FAM47E: variants seen among roughly 807,000 people sequenced by gnomAD.
FAM47E encodes the protein protein FAM47E.
In FAM47E, 32 loss-of-function variants were observed where a neutral mutation model predicts 41.6. The observed-to-expected ratio is 0.77, with a 90% CI of 0.58 to 1.03. FAM47E has a LOEUF of 1.03. Among genes scored for constraint, FAM47E ranks in the 50% least tolerant of loss-of-function variants. FAM47E has a pLI of 0.00. For synonymous variants in FAM47E, 184 were observed against 188.7 expected, an observed-to-expected ratio of 0.98 and a Z score of 0.20; for missense variants, 424 against 485.4, an observed-to-expected ratio of 0.87 and a Z score of 1.19.
At chr4:76,261,680 T>C (rs953044395) in intron 2 of FAM47E, among the ~76,000 whole-genome samples, 1 of 151,716 alleles carries the variant, frequency 6.6e-6, no homozygotes, top group African/African-American at 2.4e-5. Flanking sequence ...AAAAGGGGGG[T>C]TAGGAGGGTG....
intron 2 of FAM47E, among the ~76,000 whole-genome samples, chr4:76,242,051 T>G (rs1274360526): frequency 6.6e-6 from 1 of 152,214 alleles, no homozygotes; most frequent in Non-Finnish European, 1.5e-5. Context: ...GTGGCTTATA[T>G]GTGATTTCAA....
intron 2 of FAM47E, among the ~76,000 whole-genome samples, chr4:76,261,652 TAGAC>T (rs2110010706): frequency 6.6e-6 from 1 of 152,128 alleles, no homozygotes; most frequent in Admixed American, 6.5e-5. Context: ...ATGGAGATAA[TAGAC>T]ACTGGGGCCT....
chr4:76,273,214 A>G (rs116094378), intron 5 of FAM47E, among the ~76,000 whole-genome samples: 148 of 152,328 alleles, frequency 9.7e-4, no homozygotes, highest in African/African-American at 3.3e-3. Flanking sequence ...CCCTGGAGGA[A>G]TGGAACAAGG....
At chr4:76,261,310 A>G (rs1481905912) in intron 2 of FAM47E, among the ~76,000 whole-genome samples, 1 of 152,200 alleles carries the variant, frequency 6.6e-6, no homozygotes, top group Admixed American at 6.5e-5. Flanking sequence ...CAACCCAGCA[A>G]TTCCACTACT....
intron 1 of FAM47E, 122 bp from the exon 2 acceptor site, chr4:76,256,056 C>T: frequency 8.8e-7 from 1 of 1,129,984 alleles, no homozygotes; most frequent in Non-Finnish European, 1.2e-6. Context: ...ACTTCCCCTA[C>T]CCCCAACCCT....
At chr4:76,250,858 A>C (rs1231670351), upstream of FAM47E, among the ~76,000 whole-genome samples, 1 of 152,170 alleles carries the variant, frequency 6.6e-6, no homozygotes, top group African/African-American at 2.4e-5. Flanking sequence ...TACTTGCATA[A>C]TAATAATTCT....
At chr4:76,238,832 A>G (rs1733642163) in intron 2 of FAM47E, among the ~76,000 whole-genome samples, 1 of 152,194 alleles carries the variant, frequency 6.6e-6, no homozygotes, top group Admixed American at 6.5e-5. Flanking sequence ...GTACAATCAT[A>G]TTGTTGTGCT....
intron 5 of FAM47E, 35 bp from the exon 6 acceptor site, chr4:76,278,034 A>G: frequency 7.0e-7 from 1 of 1,426,906 alleles, no homozygotes; most frequent in Non-Finnish European, 9.2e-7. Context: ...CAAACAAAAA[A>G]TCAATGGCAC....
chr4:76,249,959 T>C (rs961559415), upstream of FAM47E, among the ~76,000 whole-genome samples: 1 of 152,158 alleles, frequency 6.6e-6, no homozygotes, highest in African/African-American at 2.4e-5. Context: ...CACTCATCGA[T>C]TGATGGGCAT....
intron 2 of FAM47E, among the ~76,000 whole-genome samples, chr4:76,261,393 A>G (rs1394174414): frequency 2.0e-5 from 3 of 152,190 alleles, no homozygotes; most frequent in Non-Finnish European, 4.4e-5. Context: ...TCACAACACT[A>G]TCACAATAGC....
At chr4:76,270,404 G>A (rs1384782393) in intron 4 of FAM47E, among the ~76,000 whole-genome samples, 1 of 152,200 alleles carries the variant, frequency 6.6e-6, no homozygotes, top group Non-Finnish European at 1.5e-5. Flanking sequence ...GCTAGGCCAT[G>A]ACACACACCT....
intron 7 of FAM47E, chr4:76,282,566 C>T (rs1735401877): frequency 6.6e-6 from 1 of 152,184 alleles, no homozygotes; most frequent in South Asian, 2.1e-4. Flanking sequence ...CTGGCATTGT[C>T]TTTACACAAT....
chr4:76,252,046 C>T (rs1560740124), intron 1 of FAM47E, among the ~76,000 whole-genome samples: 2 of 152,218 alleles, frequency 1.3e-5, no homozygotes, highest in Non-Finnish European at 2.9e-5. Flanking sequence ...GCCTCCCACG[C>T]CCCCAGGGAT....
intron 5 of FAM47E, among the ~76,000 whole-genome samples, chr4:76,276,208 C>G (rs1447592764): frequency 6.6e-6 from 1 of 152,114 alleles, no homozygotes; most frequent in East Asian, 1.9e-4. Flanking sequence ...GGAGATGTAG[C>G]TGGGAATAAT....
At chr4:76,257,861 T>G (rs554319185) in intron 2 of FAM47E, among the ~76,000 whole-genome samples, 1 of 152,296 alleles carries the variant, frequency 6.6e-6, no homozygotes, top group South Asian at 2.1e-4. Flanking sequence ...GGCAGGGACT[T>G]TATTTGTGTC....
At position 76,229,044 on chromosome 4, in the gene FAM47E, C is replaced by A. The variant is rs113641986; in HGVS notation, c.81+11356C>A. ...TTATTCATTTTTTTAATTACTTTTT[C>A]TTTGTCTTTGTCAGATTGGGTTAAT... On this transcript the variant is annotated intron_variant, in intron 2 of 7. Transcript: ENST00000510197. Among the ~76,000 whole-genome samples the A allele has an allele frequency of 5.7e-3, 874 of 152,086 alleles. 11 individuals are homozygous for A. Among genetic ancestry groups the A allele is most frequent in the African/African-American group, 0.02 (826 of 41,496 alleles).
intron 2 of FAM47E, among the ~76,000 whole-genome samples, chr4:76,227,464 G>C (rs1044736494): frequency 2.2e-4 from 34 of 152,220 alleles, no homozygotes; most frequent in African/African-American, 7.7e-4. Flanking sequence ...CTATCATATG[G>C]TCTATCTTGG....
At chr4:76,282,871 CAG>C (rs1274521428) in intron 7 of FAM47E, 1 of 152,322 alleles carries the variant, frequency 6.6e-6, no homozygotes, top group Non-Finnish European at 1.5e-5. Flanking sequence ...TACACACACA[CAG>C]TATATAAATA....
At chr4:76,261,189 A>G (rs1461828976) in intron 2 of FAM47E, among the ~76,000 whole-genome samples, 1 of 152,138 alleles carries the variant, frequency 6.6e-6, no homozygotes, top group African/African-American at 2.4e-5. Context: ...ATTGGCAAGG[A>G]TGCAGAGAAA....
Sources: gnomAD v4.1 joint callset for allele counts (sites outside exome capture counted in the v4.1 genomes callset) on GRCh38, gnomAD v4.1.1 for gene constraint, MANE v1.5 for transcripts, NCBI Gene and HGNC (gene_info 2026-07-23, HGNC 2026-07-21) for gene names.